CLVS1: variants seen among roughly 807,000 people sequenced by gnomAD.
CLVS1 encodes clavesin-1.
In CLVS1, 10 loss-of-function variants were observed where a neutral mutation model predicts 33.1. That is an observed-to-expected ratio of 0.30 (90% CI 0.19 to 0.51). CLVS1 has a LOEUF of 0.51. CLVS1 is among the 20% of genes least tolerant of loss of function. The probability of loss-of-function intolerance (pLI) is 0.97; values close to 1 mark genes in which losing one functional copy is unlikely to be tolerated. For missense variants in CLVS1, 343 were observed against 433.4 expected, an observed-to-expected ratio of 0.79 and a Z score of 1.85; for synonymous variants, 163 against 166.1, an observed-to-expected ratio of 0.98 and a Z score of 0.14.
intron 1 of CLVS1, among the ~76,000 whole-genome samples, chr8:61,121,010 C>T (rs909043804): frequency 1.1e-4 from 17 of 151,552 alleles, no homozygotes; most frequent in Admixed American, 3.9e-4. Context: ...GACTGCTGTG[C>T]TAGCAATCAG....
At chr8:61,083,936 C>A (rs995548681) in intron 1 of CLVS1, among the ~76,000 whole-genome samples, 1 of 152,120 alleles carries the variant, frequency 6.6e-6, no homozygotes, top group Non-Finnish European at 1.5e-5. Flanking sequence ...AATTTCCTGA[C>A]CCCTAATGAT....
At chr8:61,053,873 C>G (rs773045084), upstream of CLVS1, among the ~76,000 whole-genome samples, 1 of 152,186 alleles carries the variant, frequency 6.6e-6, no homozygotes, top group Non-Finnish European at 1.5e-5. Context: ...GTCGGGTGGA[C>G]TCACCATTCC....
Position 61,299,819 on chromosome 8 carries a change from A to G in CLVS1, c.-9A>G, listed in dbSNP as rs1468186103. 4 of 1,596,532 alleles carry G rather than the reference A, an allele frequency of 2.5e-6. No individual in the cohort carries two copies. In the African/African-American group the frequency reaches 4.0e-5, roughly 16 times the overall value. On this transcript the variant is annotated 5_prime_UTR_variant, in exon 2 of 6. Coordinates refer to ENST00000325897, the MANE Select transcript of CLVS1 (RefSeq NM_173519.3). ...GAATGGGCCACAGTTTCAGCAGACC[A>G]TCAGGTGAATGGGACCAGTCTCTCT...
At chr8:61,239,772 T>G (rs751790066) in intron 2 of CLVS1, among the ~76,000 whole-genome samples, 20 of 152,220 alleles carry the variant, frequency 1.3e-4, no homozygotes, top group Admixed American at 3.9e-4. Context: ...AAAACTCATT[T>G]TTGAAAGTGC....
Position 61,455,092 on chromosome 8 carries a change from A to G in CLVS1, c.741+841A>G, listed in dbSNP as rs148188416. On this transcript the variant is annotated intron_variant, in intron 4 of 5. Coordinates refer to ENST00000325897, the MANE Select transcript of CLVS1 (RefSeq NM_173519.3). ...ATATTGGATATATTTAAGGTGTTCA[A>G]TGTGATGTTTTTATATACCTATGCA... 3.6e-3 allele frequency among the ~76,000 whole-genome samples: 540 copies of G among 152,024 alleles called. 2 individuals carry two copies. Among genetic ancestry groups the G allele is most frequent in the African/African-American group, 0.012 (493 of 41,484 alleles).
At chr8:61,236,930 G>T (rs541935663) in intron 2 of CLVS1, among the ~76,000 whole-genome samples, 29 of 152,300 alleles carry the variant, frequency 1.9e-4, no homozygotes, top group African/African-American at 6.7e-4. Context: ...AATGCTGGTG[G>T]ATGGCAGAAT....
intron 2 of CLVS1, among the ~76,000 whole-genome samples, chr8:61,342,040 C>G (rs1585828814): frequency 6.6e-6 from 1 of 152,174 alleles, no homozygotes; most frequent in Non-Finnish European, 1.5e-5. Flanking sequence ...TCACAAATTC[C>G]TGAAGGGTGT....
chr8:61,075,027 G>A (rs1011894337), intron 1 of CLVS1, among the ~76,000 whole-genome samples: 5 of 151,958 alleles, frequency 3.3e-5, no homozygotes, highest in African/African-American at 7.3e-5. Flanking sequence ...TTGTTCAGGC[G>A]GGCATACACA....
rs1194275521 is a variant in CLVS1, at chr8:61,401,988, T to C, written c.630+25209T>C. Among the ~76,000 whole-genome samples the C allele has an allele frequency of 2.0e-5, 3 of 152,124 alleles. No individual in the cohort carries two copies. In the East Asian group the frequency reaches 5.8e-4, roughly 29 times the overall value. ...ATTGTTGATTTAAGTTTCTGCCTCT[T>C]CAAGTAGAGTAAATTTCTTATAGGC... On this transcript the variant is annotated intron_variant, in intron 3 of 5. Transcript: ENST00000325897.
At chr8:61,035,562 C>T in the CLVS1 span, among the ~76,000 whole-genome samples, 4 of 152,240 alleles carry the variant, frequency 2.6e-5, no homozygotes, top group Admixed American at 6.5e-5. Context: ...CTGCATTGTC[C>T]GGGCATGGCC....
At chr8:61,082,981 T>G (rs991143287) in intron 1 of CLVS1, among the ~76,000 whole-genome samples, 1 of 47,324 alleles carries the variant, frequency 2.1e-5, no homozygotes, top group East Asian at 6.2e-4. Flanking sequence ...AAAGACCCTG[T>G]CTTAAACATA....
At chr8:61,375,965 G>A (rs374487383) in intron 2 of CLVS1, among the ~76,000 whole-genome samples, 35 of 152,308 alleles carry the variant, frequency 2.3e-4, no homozygotes, top group African/African-American at 7.0e-4. Context: ...TGTTGTCATA[G>A]TTACTGATGT....
intron 1 of CLVS1, among the ~76,000 whole-genome samples, chr8:61,109,713 G>T (rs180953270): frequency 3.2e-4 from 49 of 152,256 alleles, no homozygotes; most frequent in African/African-American, 1.1e-3. Flanking sequence ...CTGCCTTCAT[G>T]AATGAATGAA....
intron 5 of CLVS1, among the ~76,000 whole-genome samples, chr8:61,476,933 T>C (rs977727544): frequency 1.3e-5 from 2 of 152,174 alleles, no homozygotes; most frequent in Admixed American, 6.6e-5. Context: ...TGGCTGTGGG[T>C]GTGTCATAGA....
the CLVS1 span, among the ~76,000 whole-genome samples, chr8:60,986,510 T>C: frequency 1.3e-5 from 2 of 152,232 alleles, no homozygotes; most frequent in African/African-American, 2.4e-5. Flanking sequence ...GTGGGGACCA[T>C]TTGCAAAGCA....
chr8:61,488,284 T>C (rs1456257059), intron 5 of CLVS1, among the ~76,000 whole-genome samples: 1 of 152,208 alleles, frequency 6.6e-6, no homozygotes, highest in East Asian at 1.9e-4. Flanking sequence ...AAGGCTTCTA[T>C]ACATCTCATG....
intron 3 of CLVS1, among the ~76,000 whole-genome samples, chr8:61,387,015 T>C (rs1312103478): frequency 1.3e-5 from 2 of 152,170 alleles, no homozygotes; most frequent in Non-Finnish European, 2.9e-5. Flanking sequence ...TGTTCCACCA[T>C]GGGAGAAAGT....
chr8:61,377,369 C>T (rs1308557431), intron 3 of CLVS1: 1 of 152,168 alleles, frequency 6.6e-6, no homozygotes, highest in Non-Finnish European at 1.5e-5. Flanking sequence ...ATCTGGGATT[C>T]TATGAGAAGT....
At chr8:61,239,260 A>T (rs887825660) in intron 2 of CLVS1, among the ~76,000 whole-genome samples, 1 of 152,206 alleles carries the variant, frequency 6.6e-6, no homozygotes, top group African/African-American at 2.4e-5. Flanking sequence ...ACATTGTAGA[A>T]TCTATACAAC....
Sources: gnomAD v4.1 joint callset for allele counts (sites outside exome capture counted in the v4.1 genomes callset) on GRCh38, gnomAD v4.1.1 for gene constraint, MANE v1.5 for transcripts, NCBI Gene and HGNC (gene_info 2026-07-23, HGNC 2026-07-21) for gene names.